Variants in CAMK4 observed in about 807,000 individuals in gnomAD.
The protein encoded by CAMK4 is calcium/calmodulin dependent protein kinase IV, also known as calcium/calmodulin-dependent protein kinase type IV.
CAMK4 carries 22 observed loss-of-function variants against 44.9 expected under a neutral mutation model. The ratio of observed to expected loss-of-function variants is 0.49; its 90% confidence interval spans 0.35 to 0.70. The LOEUF is 0.70. Among genes scored for constraint, CAMK4 ranks in the 30% least tolerant of loss-of-function variants. The pLI is 0.01. For synonymous variants in CAMK4, 218 were observed against 215.4 expected (o/e 1.01, Z -0.11); for missense variants, 498 against 586.8 (o/e 0.85, Z 1.56).
At chr5:111,253,577 A>G in intron 1 of CAMK4, among the ~76,000 whole-genome samples, 1 of 152,242 alleles carries the variant, frequency 6.6e-6, no homozygotes, top group East Asian at 1.9e-4. Flanking sequence ...TTCCATGTTG[A>G]GAAAAATGAA....
intron 2 of CAMK4, among the ~76,000 whole-genome samples, chr5:111,348,505 T>C (rs1055763763): frequency 1.3e-5 from 2 of 152,040 alleles, no homozygotes; most frequent in African/African-American, 2.4e-5. Context: ...TAAGTTAATA[T>C]ATATTTTATA....
intron 1 of CAMK4, among the ~76,000 whole-genome samples, chr5:111,240,493 T>A (rs1748938688): frequency 1.3e-5 from 2 of 152,236 alleles, no homozygotes; most frequent in Non-Finnish European, 2.9e-5. Context: ...ATTTCCAGTT[T>A]CATCTTACAT....
intron 1 of CAMK4, among the ~76,000 whole-genome samples, chr5:111,310,052 C>A (rs904739512): frequency 6.6e-6 from 1 of 152,242 alleles, no homozygotes; most frequent in Non-Finnish European, 1.5e-5. Flanking sequence ...TTTACTGACA[C>A]CGTTTCATGA....
chr5:111,265,147 C>T (rs1185451033), intron 1 of CAMK4, among the ~76,000 whole-genome samples: 2 of 152,106 alleles, frequency 1.3e-5, no homozygotes. Context: ...AGGATCTTGC[C>T]TATTATATAC....
chr5:111,224,490 A>C lies in CAMK4; in HGVS notation c.7A>C (p.Lys3Gln), dbSNP rs746404317. 1 of 1,603,324 alleles carries C rather than the reference A, an allele frequency of 6.2e-7. No homozygotes were observed. The highest frequency in any genetic ancestry group is 1.4e-5 in the African/African-American group (1 of 73,548). The change falls in exon 1 of 11, where the codon AAA (lysine) becomes CAA (glutamine). Residue 3 changes from lysine (K) to glutamine (Q), a missense_variant. Physicochemically the swap from Lys to Gln is moderately conservative, Grantham distance 53 (BLOSUM62 1). Coordinates refer to ENST00000282356, the MANE Select transcript of CAMK4 (RefSeq NM_001744.6). The surrounding 1 kb of genome is among the most constrained non-coding windows in gnomAD (Gnocchi z 5.7). ...CCGGAGTCCCGCTGCGAAGATGCTC[A>C]AAGTCACGGTGCCCTCCTGCTCCGC... MLKVTVPSCSASS... is the reference protein window; with the variant it reads MLQVTVPSCSASS...
chr5:111,331,866 A>G (rs1184940865), intron 1 of CAMK4, among the ~76,000 whole-genome samples: 2 of 151,556 alleles, frequency 1.3e-5, no homozygotes, highest in Admixed American at 1.3e-4. Context: ...AAAATTATAT[A>G]TTTATTTATA....
chr5:111,484,682 C>A lies in CAMK4; in HGVS notation c.*216C>A, dbSNP rs772623321. On this transcript the variant is annotated 3_prime_UTR_variant, in exon 11 of 11. Coordinates refer to ENST00000282356, the MANE Select transcript of CAMK4 (RefSeq NM_001744.6). This position sits in a 1 kb window ranked among gnomAD's most constrained non-coding sequence, Gnocchi z 5.3. ...ATGGCATGTAATGGATACCTAATAC[C>A]GATGAGTTAAATCTTGCAAGTTAAC... 56 of 377,480 alleles carry A rather than the reference C, an allele frequency of 1.5e-4. No individual in the cohort carries two copies. The highest frequency in any genetic ancestry group is 2.1e-4 in the Non-Finnish European group (44 of 213,586). The allele number at this position is 377,480 out of a possible 1,614,324, so 23.4% of individuals were successfully genotyped here.
chr5:111,475,690 G>A (rs1005447974), intron 8 of CAMK4, among the ~76,000 whole-genome samples: 4 of 152,156 alleles, frequency 2.6e-5, no homozygotes, highest in Non-Finnish European at 4.4e-5. Flanking sequence ...TTTAGTTTTT[G>A]GCTAACTTCT....
At chr5:111,325,007 A>C (rs1748818553) in intron 1 of CAMK4, among the ~76,000 whole-genome samples, 1 of 148,736 alleles carries the variant, frequency 6.7e-6, no homozygotes, top group Non-Finnish European at 1.5e-5. Context: ...CCTTCCCCCA[A>C]CCCCCCAACA....
intron 7 of CAMK4, among the ~76,000 whole-genome samples, chr5:111,460,796 G>A (rs1304792783): frequency 6.6e-6 from 1 of 151,976 alleles, no homozygotes; most frequent in Non-Finnish European, 1.5e-5. Context: ...AGATAGGAAG[G>A]CTCAATGGAA....
intron 1 of CAMK4, among the ~76,000 whole-genome samples, chr5:111,254,973 C>T (rs1008182630): frequency 2.0e-5 from 3 of 151,896 alleles, no homozygotes; most frequent in Non-Finnish European, 4.4e-5. Flanking sequence ...ATGGCAGTAG[C>T]ATCACAGTGA....
chr5:111,241,453 C>T (rs1054395666), intron 1 of CAMK4, among the ~76,000 whole-genome samples: 7 of 152,096 alleles, frequency 4.6e-5, no homozygotes, highest in Non-Finnish European at 8.8e-5. Context: ...AGATGTTGCA[C>T]GATGTCATGT....
At chr5:111,456,855 A>T (rs77192386) in intron 7 of CAMK4, among the ~76,000 whole-genome samples, 2,090 of 152,264 alleles carry the variant, frequency 0.014, 52 homozygotes, top group African/African-American at 0.048. Flanking sequence ...TATTATTCCA[A>T]AATTGGAAAT....
intron 7 of CAMK4, among the ~76,000 whole-genome samples, chr5:111,460,547 G>A (rs1049393121): frequency 6.6e-6 from 1 of 151,968 alleles, no homozygotes; most frequent in Non-Finnish European, 1.5e-5. Context: ...CACTTAACAC[G>A]AGACACTTTA....
At chr5:111,481,272 G>T (rs1427045905) in intron 9 of CAMK4, among the ~76,000 whole-genome samples, 1 of 152,172 alleles carries the variant, frequency 6.6e-6, no homozygotes, top group African/African-American at 2.4e-5. Flanking sequence ...TGTCAAAAAT[G>T]TTGTAAGGAT....
At chr5:111,447,420 A>C (rs1754067621) in intron 6 of CAMK4, among the ~76,000 whole-genome samples, 2 of 152,240 alleles carry the variant, frequency 1.3e-5, no homozygotes. Flanking sequence ...TTAACCTGTT[A>C]ACATATAAAT....
Position 111,480,249 on chromosome 5 carries a change from AACAC to A in CAMK4, c.828+1779_828+1782del, listed in dbSNP as rs532395570. On this transcript the variant is annotated intron_variant, in intron 9 of 10. Transcript: ENST00000282356. ...CTTCTCCATTACACATAGGCATGTAAACACACACACACACACACACACACACACA... is the reference window on the plus strand; with the variant it reads ...CTTCTCCATTACACATAGGCATGTAAACACACACACACACACACACACACA... Among the ~76,000 whole-genome samples, 1,140 of 121,262 alleles carry A rather than the reference AACAC, an allele frequency of 9.4e-3. 8 individuals carry two copies. Among genetic ancestry groups the A allele is most frequent in the South Asian group, 0.019 (70 of 3,596 alleles). The allele number at this position is 121,262 out of a possible 152,430, so 79.6% of individuals were successfully genotyped here. A position where few individuals can be genotyped will look rare whatever the true frequency, so the allele number is the denominator to read the frequency against.
intron 2 of CAMK4, among the ~76,000 whole-genome samples, chr5:111,353,112 G>A (rs1487268962): frequency 6.6e-6 from 1 of 152,004 alleles, no homozygotes; most frequent in African/African-American, 2.4e-5. Context: ...AGAAAGCCAG[G>A]TACCTAAATA....
intron 1 of CAMK4, among the ~76,000 whole-genome samples, chr5:111,264,462 G>T (rs191619752): frequency 1.3e-5 from 2 of 152,104 alleles, no homozygotes; most frequent in Non-Finnish European, 2.9e-5. Context: ...ATGCATGAAG[G>T]GTATGTTGGT....
Sources: allele counts gnomAD v4.1 joint callset (sites outside exome capture counted in the v4.1 genomes callset), GRCh38; gene constraint gnomAD v4.1.1; non-coding constraint Gnocchi (gnomAD v3.1); transcripts MANE v1.5; gene names NCBI Gene and HGNC (gene_info 2026-07-23, HGNC 2026-07-21).